Variants in TTC39C observed in about 807,000 individuals in gnomAD.
The protein encoded by TTC39C is tetratricopeptide repeat domain 39C.
A neutral mutation model predicts 76.3 loss-of-function variants in TTC39C; 33 were observed. The observed-to-expected ratio is 0.43, with a 90% confidence interval of 0.33 to 0.58. The LOEUF (loss-of-function observed/expected upper bound fraction) is 0.58, where lower values mean the gene tolerates loss of function less well. Ranked by LOEUF, TTC39C falls within the 20% of genes least tolerant of loss-of-function variation. The pLI is 0.04. For synonymous variants in TTC39C, 254 were observed against 260.6 expected, an observed-to-expected ratio of 0.97 and a Z score of 0.24; for missense variants, 595 against 701.4, an observed-to-expected ratio of 0.85 and a Z score of 1.71.
chr18:24,060,226 CA>C (rs533249214), intron 1 of TTC39C, among the ~76,000 whole-genome samples: 5 of 152,186 alleles, frequency 3.3e-5, no homozygotes, highest in African/African-American at 1.2e-4. Flanking sequence ...ACAACCTTGC[CA>C]GCATCTGTTG....
intron 1 of TTC39C, among the ~76,000 whole-genome samples, chr18:24,060,494 G>T (rs946736891): frequency 2.0e-5 from 3 of 151,896 alleles, no homozygotes; most frequent in African/African-American, 7.3e-5. Context: ...TTTTAGTAGA[G>T]ATGGGGTTTC....
intron 1 of TTC39C, among the ~76,000 whole-genome samples, chr18:24,023,967 TATATATATATATA>T (rs1568408854): frequency 0.1 from 1,803 of 17,588 alleles, 291 homozygotes; most frequent in Non-Finnish European, 0.17. Flanking sequence ...TATATATATA[TATATATATATATA>T]CATATATATA....
At chr18:24,022,766 T>C (rs1249277555) in intron 1 of TTC39C, 1 of 985,264 alleles carries the variant, frequency 1.0e-6, no homozygotes, top group Non-Finnish European at 1.2e-6. Context: ...TGTCCTGTGA[T>C]GTGGCCCTGT....
chr18:24,054,369 A>G (rs2083990034), intron 1 of TTC39C, among the ~76,000 whole-genome samples: 1 of 152,234 alleles, frequency 6.6e-6, no homozygotes, highest in Non-Finnish European at 1.5e-5. Flanking sequence ...ACCGAACCAC[A>G]GGGATGTAGA....
chr18:24,074,360 G>T (rs1056285485), intron 4 of TTC39C, among the ~76,000 whole-genome samples: 9 of 152,162 alleles, frequency 5.9e-5, no homozygotes, highest in African/African-American at 1.9e-4. Flanking sequence ...TTATTGGAAC[G>T]CTAAGCATGT....
chr18:24,076,030 G>A (rs1316737189), intron 4 of TTC39C, among the ~76,000 whole-genome samples: 1 of 152,186 alleles, frequency 6.6e-6, no homozygotes, highest in Non-Finnish European at 1.5e-5. Context: ...AGGCTGGAGT[G>A]CAGTGGCACA....
At chr18:24,027,695 G>T (rs2083615993) in intron 1 of TTC39C, among the ~76,000 whole-genome samples, 1 of 151,886 alleles carries the variant, frequency 6.6e-6, no homozygotes, top group African/African-American at 2.4e-5. Context: ...GAGTAGCTGG[G>T]ATTACGGGCC....
intron 6 of TTC39C, among the ~76,000 whole-genome samples, chr18:24,095,525 C>T (rs952873913): frequency 6.6e-6 from 1 of 152,032 alleles, no homozygotes; most frequent in African/African-American, 2.4e-5. Flanking sequence ...ATGGTGAAAC[C>T]CCATCTCTAC....
At chr18:24,126,143 T>C (rs563416468) in intron 10 of TTC39C, among the ~76,000 whole-genome samples, 2 of 152,052 alleles carry the variant, frequency 1.3e-5, no homozygotes, top group South Asian at 4.2e-4. Context: ...GCTTTGATCA[T>C]GCCCCACCAC....
chr18:24,023,982 A>C lies in TTC39C; in HGVS notation c.167+8944A>C, dbSNP rs1394937435. Among the ~76,000 whole-genome samples, 14 of 7,362 alleles carry C rather than the reference A, an allele frequency of 1.9e-3. 1 individual carries two copies. Among genetic ancestry groups the C allele is most frequent in the East Asian group, 0.014 (2 of 140 alleles). 4.8% of individuals were successfully genotyped at this position (7,362 alleles called of 152,430 possible). On this transcript the variant is annotated intron_variant, in intron 1 of 13. Transcript: ENST00000317571. ...TATATATATATATATATATATATACATATATATATATATATATATATATAT... is the reference window on the plus strand; with the variant it reads ...TATATATATATATATATATATATACCTATATATATATATATATATATATAT...
chr18:24,127,766 T>C (rs925883516), intron 10 of TTC39C, among the ~76,000 whole-genome samples: 10 of 152,204 alleles, frequency 6.6e-5, no homozygotes, highest in African/African-American at 2.4e-4. Context: ...TCCTCCCGCT[T>C]TGGTCTTCCA....
intron 6 of TTC39C, among the ~76,000 whole-genome samples, chr18:24,096,215 G>A (rs909558262): frequency 6.6e-6 from 1 of 152,168 alleles, no homozygotes; most frequent in Non-Finnish European, 1.5e-5. Context: ...CTTATTCATG[G>A]CAGGGTTGCC....
intron 5 of TTC39C, among the ~76,000 whole-genome samples, 178 bp from the exon 6 acceptor site, chr18:24,082,735 G>T (rs2084391958): frequency 6.6e-6 from 1 of 151,944 alleles, no homozygotes; most frequent in African/African-American, 2.4e-5. Context: ...TGCTAAAGTT[G>T]CAGTTTTCCA....
chr18:24,111,760 G>C (rs1001535754), intron 6 of TTC39C, among the ~76,000 whole-genome samples: 1 of 151,764 alleles, frequency 6.6e-6, no homozygotes, highest in African/African-American at 2.4e-5. Flanking sequence ...AACTTAGCCA[G>C]ACACAGCAGT....
At chr18:24,014,591 G>A (rs2083423612), upstream of TTC39C, 3 of 281,680 alleles carry the variant, frequency 1.1e-5, no homozygotes, top group East Asian at 7.6e-5. Context: ...GGGCCCGCGC[G>A]AGTTGGGTGC....
At chr18:24,045,159 T>C (rs959527331) in intron 1 of TTC39C, among the ~76,000 whole-genome samples, 30 of 150,704 alleles carry the variant, frequency 2.0e-4, no homozygotes, top group South Asian at 1.9e-3. Flanking sequence ...GTCTCAGCTA[T>C]TTGGGAGGCT....
At chr18:24,086,588 G>C (rs2084442031) in intron 6 of TTC39C, among the ~76,000 whole-genome samples, 1 of 152,156 alleles carries the variant, frequency 6.6e-6, no homozygotes, top group East Asian at 1.9e-4. Context: ...CACCATGATG[G>C]TGAGGTCCGT....
intron 1 of TTC39C, among the ~76,000 whole-genome samples, chr18:24,043,249 C>G (rs2083820131): frequency 6.6e-6 from 1 of 152,082 alleles, no homozygotes; most frequent in South Asian, 2.1e-4. Context: ...GTAGTCCCAG[C>G]TATTTGGGAG....
chr18:24,078,657 A>G (rs1023978717), intron 4 of TTC39C, among the ~76,000 whole-genome samples: 2 of 152,204 alleles, frequency 1.3e-5, no homozygotes, highest in African/African-American at 4.8e-5. Flanking sequence ...ACGAGTTACG[A>G]CAGCACAAAT....
Sources: allele counts gnomAD v4.1 joint callset (sites outside exome capture counted in the v4.1 genomes callset), GRCh38; gene constraint gnomAD v4.1.1; transcripts MANE v1.5; gene names NCBI Gene and HGNC (gene_info 2026-07-23, HGNC 2026-07-21).